CDH13: variants seen among roughly 807,000 people sequenced by gnomAD.
CDH13 encodes the protein cadherin 13, also known as cadherin-13.
CDH13 carries 24 observed loss-of-function variants against 63.8 expected under a neutral mutation model. That is an observed-to-expected ratio of 0.38 (90% CI 0.27 to 0.53). The LOEUF (loss-of-function observed/expected upper bound fraction) is 0.53. Among genes scored for constraint, CDH13 ranks in the 20% least tolerant of loss-of-function variants. The pLI, the probability that CDH13 is intolerant of heterozygous loss-of-function variation, is 0.85. For synonymous variants in CDH13, 503 were observed against 355.3 expected, an observed-to-expected ratio of 1.42 and a Z score of -4.67; for missense variants, 1,049 against 903.1, an observed-to-expected ratio of 1.16 and a Z score of -2.07.
chr16:82,979,223 G>A (rs909932362), intron 2 of CDH13, among the ~76,000 whole-genome samples: 1 of 152,200 alleles, frequency 6.6e-6, no homozygotes, highest in Admixed American at 6.5e-5. Context: ...GGATTTTACA[G>A]GCTTGTAGGC....
intron 6 of CDH13, among the ~76,000 whole-genome samples, chr16:83,485,247 A>C (rs72808343): frequency 0.018 from 2,750 of 152,314 alleles, 43 homozygotes; most frequent in Non-Finnish European, 0.026. Flanking sequence ...GGACACGTGC[A>C]GTTGTTTCTG....
At chr16:83,176,512 GAAAAAAAAAAA>G (rs869250059) in intron 4 of CDH13, among the ~76,000 whole-genome samples, 1 of 71,784 alleles carries the variant, frequency 1.4e-5, no homozygotes, top group Non-Finnish European at 2.8e-5. Flanking sequence ...TCCAGCTAGA[GAAAAAAAAAAA>G]AAAAAAAAAA....
intron 6 of CDH13, among the ~76,000 whole-genome samples, chr16:83,387,800 C>T (rs1391969132): frequency 1.3e-5 from 2 of 152,164 alleles, no homozygotes; most frequent in African/African-American, 4.8e-5. Flanking sequence ...CAGCAGTCCC[C>T]CTGGCACTTT....
chr16:83,508,053 G>GAAGAGGGAAGGAAGGAAGGA (rs2074445222), intron 7 of CDH13, among the ~76,000 whole-genome samples: 1 of 67,790 alleles, frequency 1.5e-5, no homozygotes, highest in African/African-American at 7.0e-5. Flanking sequence ...GAGAGAAAGA[G>GAAGAGGGAAGGAAGGAAGGA]AAGAAGGAAG....
intron 8 of CDH13, among the ~76,000 whole-genome samples, chr16:83,667,872 A>C (rs1341276091): frequency 1.3e-5 from 2 of 152,092 alleles, no homozygotes; most frequent in Non-Finnish European, 2.9e-5. Flanking sequence ...TATGTTGCCC[A>C]GGCTCATCTT....
chr16:82,901,904 C>G (rs1408944051), intron 2 of CDH13, among the ~76,000 whole-genome samples: 3 of 152,218 alleles, frequency 2.0e-5, no homozygotes, highest in Non-Finnish European at 4.4e-5. Flanking sequence ...TGTGCAGATA[C>G]TTTTCACACA....
chr16:83,735,428 T>C (rs1034279605), intron 10 of CDH13: 2 of 152,214 alleles, frequency 1.3e-5, no homozygotes, highest in African/African-American at 4.8e-5. Flanking sequence ...TTTTTCTTCT[T>C]GTATTGCTTT....
At chr16:83,582,373 C>T (rs1213220976) in intron 7 of CDH13, among the ~76,000 whole-genome samples, 3 of 152,034 alleles carry the variant, frequency 2.0e-5, no homozygotes, top group South Asian at 4.1e-4. Context: ...AGCAGCATCC[C>T]TTTGGAGAGG....
chr16:83,763,212 C>T (rs996550021), intron 11 of CDH13, among the ~76,000 whole-genome samples: 1 of 151,902 alleles, frequency 6.6e-6, no homozygotes, highest in African/African-American at 2.4e-5. Context: ...ATGTGGGTTG[C>T]CAAGAAGACA....
intron 1 of CDH13, among the ~76,000 whole-genome samples, chr16:82,792,127 A>G (rs1188400724): frequency 6.6e-6 from 1 of 151,976 alleles, no homozygotes; most frequent in Non-Finnish European, 1.5e-5. Flanking sequence ...CTTCACATAA[A>G]CCATCCATCT....
intron 7 of CDH13, among the ~76,000 whole-genome samples, chr16:83,507,992 A>G (rs144526551): frequency 0.12 from 18,668 of 149,766 alleles, 1,521 homozygotes; most frequent in South Asian, 0.25. Flanking sequence ...AGATCGCGCC[A>G]CTGCACTCCA....
intron 1 of CDH13, among the ~76,000 whole-genome samples, chr16:82,670,686 G>T (rs150344872): frequency 5.3e-5 from 8 of 152,224 alleles, no homozygotes; most frequent in Admixed American, 3.3e-4. Flanking sequence ...ATTTGGGGTA[G>T]TCGGGTATGA....
chr16:83,422,191 T>C (rs2071735644), intron 6 of CDH13, among the ~76,000 whole-genome samples: 1 of 152,234 alleles, frequency 6.6e-6, no homozygotes, highest in Non-Finnish European at 1.5e-5. Flanking sequence ...CTCTGGATTT[T>C]TCCATAATAC....
intron 5 of CDH13, among the ~76,000 whole-genome samples, chr16:83,307,394 C>G (rs1295156386): frequency 1.3e-5 from 2 of 152,214 alleles, no homozygotes; most frequent in Non-Finnish European, 2.9e-5. Context: ...TGCTACCTCA[C>G]TTCCTCTTCA....
intron 3 of CDH13, among the ~76,000 whole-genome samples, chr16:83,082,477 A>C (rs1567812242): frequency 6.6e-6 from 1 of 151,982 alleles, no homozygotes; most frequent in Non-Finnish European, 1.5e-5. Flanking sequence ...ATAAAAATAA[A>C]AAAAAAATAG....
Position 83,125,412 on chromosome 16 carries a change from C to T in CDH13, c.394C>T (p.Pro132Ser). Residue 132 changes from proline (P) to serine (S), a missense_variant, in exon 4 of 14, where the codon CCT becomes TCT. Pro to Ser is a moderately conservative substitution (Grantham distance 74). Coordinates refer to ENST00000567109, the MANE Select transcript of CDH13 (RefSeq NM_001257.5). ...TATATTTAAATTTGCAAGAACTTCT[C>T]CTGTCCCAAGACAAAAGAGGTCCAT... is the stretch of plus-strand genomic sequence containing the variant. ...QDIFKFARTSPVPRQKRSIVV... is the reference protein window; with the variant it reads ...QDIFKFARTSSVPRQKRSIVV... 2 of 1,605,440 alleles carry T rather than the reference C, an allele frequency of 1.2e-6. No individual in the cohort carries two copies. Among genetic ancestry groups the T allele is most frequent in the Non-Finnish European group, 8.5e-7 (1 of 1,172,274 alleles).
chr16:83,026,747 A>C (rs999479374), intron 2 of CDH13, among the ~76,000 whole-genome samples: 8 of 152,134 alleles, frequency 5.3e-5, no homozygotes, highest in African/African-American at 1.9e-4. Context: ...CTCAGGGACC[A>C]CTCAATAAAT....
At chr16:82,963,774 G>T (rs1272536654) in intron 2 of CDH13, among the ~76,000 whole-genome samples, 2 of 152,162 alleles carry the variant, frequency 1.3e-5, no homozygotes, top group Non-Finnish European at 2.9e-5. Context: ...CATGCATGAA[G>T]TACCCATTTC....
Position 82,852,347 on chromosome 16 carries a change from T to C in CDH13, c.46-6015T>C, listed in dbSNP as rs149281883. Among the ~76,000 whole-genome samples the C allele has an allele frequency of 3.2e-3, 483 of 152,302 alleles. 6 individuals are homozygous for C. The highest frequency in any genetic ancestry group is 0.011 in the African/African-American group (437 of 41,576). Reference sequence around the variant, plus strand: ...GACTTTGCACAGCGTTCCGTGGATGTGTCTTGTGGGGCGGTTCTCCCGAGT... The same window carrying C: ...GACTTTGCACAGCGTTCCGTGGATGCGTCTTGTGGGGCGGTTCTCCCGAGT... On this transcript the variant is annotated intron_variant, in intron 1 of 13. Transcript: ENST00000567109.
Sources: allele counts gnomAD v4.1 joint callset (sites outside exome capture counted in the v4.1 genomes callset), GRCh38; gene constraint gnomAD v4.1.1; transcripts MANE v1.5; gene names NCBI Gene and HGNC (gene_info 2026-07-23, HGNC 2026-07-21).